The following SEPTIN12 variants were observed in gnomAD, a reference collection of about 807,000 sequenced individuals.
SEPTIN12 encodes the protein septin 12.
A neutral mutation model predicts 37.7 loss-of-function variants in SEPTIN12; 42 were observed. That is an observed-to-expected ratio of 1.11 (90% CI 0.87 to 1.44). The LOEUF is 1.44. Among genes scored for constraint, SEPTIN12 ranks in the 40% most tolerant of loss-of-function variants. The pLI is 0.00. For missense variants in SEPTIN12, 613 were observed against 479.2 expected (o/e 1.28, Z -2.61); for synonymous variants, 254 against 196.7 (o/e 1.29, Z -2.44).
intron 7 of SEPTIN12, chr16:4,783,244 A>G (rs902908557): frequency 3.4e-6 from 2 of 579,866 alleles, no homozygotes; most frequent in Middle Eastern, 4.7e-4. Context: ...CAAGCCCCTT[A>G]TTGGGTATGT....
chr16:4,778,019 A>G, intron 9 of SEPTIN12, 21 bp from the exon 10 acceptor site: 1 of 1,612,390 alleles, frequency 6.2e-7, no homozygotes, highest in African/African-American at 1.3e-5. Flanking sequence ...GGAGACGGTC[A>G]GCCCCGATGG....
rs762361232 is a variant in SEPTIN12 at position 4,787,525 on chromosome 16, T to C, written c.121A>G (p.Ile41Val). ...TCAAACCCCATCTTCATAGCCTTGA[T>C]CTTCAGCTGGTCCAGCACAGCCTCA... is the stretch of plus-strand genomic sequence containing the variant. ...GIEAVLDQLK[I>V]KAMKMGFEFN... is the part of the protein sequence containing the mutation. The change falls in exon 2 of 10, where the codon ATC (isoleucine) becomes GTC (valine). Residue 41 changes from isoleucine (I) to valine (V), a missense_variant. By Grantham distance (29) the Ile-to-Val change is conservative (BLOSUM62 3). Coordinates refer to ENST00000268231, the MANE Select transcript of SEPTIN12 (RefSeq NM_144605.5). 2 of 1,613,062 alleles carry C rather than the reference T, an allele frequency of 1.2e-6. No individual in the cohort carries two copies. Among genetic ancestry groups the C allele is most frequent in the South Asian group, 2.2e-5 (2 of 91,082 alleles).
At chr16:4,788,580 G>A (rs959101141), upstream of SEPTIN12, 1 of 152,216 alleles carries the variant, frequency 6.6e-6, no homozygotes, top group Non-Finnish European at 1.5e-5. Context: ...CTCTGCTGGG[G>A]TGAGCAAACC....
chr16:4,789,604 G>T (rs2082519058), upstream of SEPTIN12, among the ~76,000 whole-genome samples: 1 of 152,170 alleles, frequency 6.6e-6, no homozygotes. Context: ...GGGATTACAG[G>T]CGTTAGCCCC....
intron 7 of SEPTIN12, among the ~76,000 whole-genome samples, chr16:4,781,135 T>C (rs1036363660): frequency 3.3e-5 from 5 of 151,798 alleles, no homozygotes; most frequent in African/African-American, 1.2e-4. Context: ...ATTGTGCACC[T>C]ATAGTCCCAG....
intron 8 of SEPTIN12, among the ~76,000 whole-genome samples, chr16:4,778,369 T>C (rs1441094007): frequency 2.0e-5 from 3 of 152,350 alleles, no homozygotes; most frequent in South Asian, 2.1e-4. Flanking sequence ...CCAATCATTA[T>C]TGTATTATAT....
intron 7 of SEPTIN12, among the ~76,000 whole-genome samples, chr16:4,781,078 G>C (rs1478947404): frequency 6.6e-6 from 1 of 151,988 alleles, no homozygotes; most frequent in Admixed American, 6.6e-5. Flanking sequence ...GGCTGAAATA[G>C]TGAAACCCCA....
At chr16:4,779,228 G>C (rs9936606) in intron 8 of SEPTIN12, among the ~76,000 whole-genome samples, 1,870 of 151,478 alleles carry the variant, frequency 0.012, 42 homozygotes, top group African/African-American at 0.043. Context: ...CCCTAAGGCA[G>C]TCTCCTCTCC....
At chr16:4,788,689 T>C (rs181844875), upstream of SEPTIN12, 5 of 152,288 alleles carry the variant, frequency 3.3e-5, no homozygotes, top group East Asian at 9.7e-4. Context: ...CTTTAGCAAA[T>C]ATTTACCCAG....
Position 4,777,791 on chromosome 16 carries a change from C to G in SEPTIN12, c.*6G>C, listed in dbSNP as rs569800995. On this transcript the variant is annotated 3_prime_UTR_variant, in exon 10 of 10. Transcript: ENST00000268231. The stretch of plus-strand genomic sequence containing the variant: ...GAAGCCCAGCAGCCCCGGGATCCGC[C>G]GGTGGTCAGAACTCATCATCAGAAT... 3 of 1,514,040 alleles carry G rather than the reference C, an allele frequency of 2.0e-6. No individual in the cohort carries two copies. The highest frequency in any genetic ancestry group is 2.7e-6 in the Non-Finnish European group (3 of 1,129,340). The allele number at this position is 1,514,040 out of a possible 1,614,324, so 93.8% of individuals were successfully genotyped here. A position where few individuals can be genotyped will look rare whatever the true frequency, so the allele number is the denominator to read the frequency against.
intron 7 of SEPTIN12, among the ~76,000 whole-genome samples, chr16:4,780,350 A>T (rs1343925743): frequency 6.6e-6 from 1 of 151,860 alleles, no homozygotes; most frequent in Non-Finnish European, 1.5e-5. Flanking sequence ...TGCCTTCCAA[A>T]GTGGTGGGAT....
At position 4,783,646 on chromosome 16, in the gene SEPTIN12, C is replaced by A. The variant is rs769275978; in HGVS notation, c.630+3G>T. On this transcript the variant is annotated splice_donor_region_variant and intron_variant, in intron 6 of 9. Transcript: ENST00000268231. ...CCCAGCCCTGCCCGGGCATCCAGAT[C>A]ACCCTGCGCCTGAAGGCCTCTCGCT... is the stretch of plus-strand genomic sequence containing the variant. The A allele has an allele frequency of 1.9e-5, 30 of 1,613,648 alleles. No individual in the cohort carries two copies. The highest frequency in any genetic ancestry group is 2.5e-5 in the Non-Finnish European group (30 of 1,179,714).
At chr16:4,789,587 A>G (rs1408717244), upstream of SEPTIN12, among the ~76,000 whole-genome samples, 1 of 152,024 alleles carries the variant, frequency 6.6e-6, no homozygotes, top group East Asian at 1.9e-4. Flanking sequence ...CGGCCTCCCA[A>G]AGTGCTGGGA....
intron 8 of SEPTIN12, 123 bp from the exon 9 acceptor site, chr16:4,778,260 C>A: frequency 2.0e-6 from 2 of 1,023,466 alleles, no homozygotes; most frequent in Non-Finnish European, 3.0e-6. Flanking sequence ...CCCTATCCTG[C>A]CTTCCCTTTG....
Position 4,784,814 on chromosome 16 carries a change from T to TAAAA in SEPTIN12, c.375-750_375-747dup, listed in dbSNP as rs1175191160. 2.5e-4 allele frequency among the ~76,000 whole-genome samples: 32 copies of TAAAA among 128,836 alleles called. No homozygotes were observed. In the Middle Eastern group the frequency reaches 0.015, roughly 60 times the overall value. 84.5% of individuals were successfully genotyped at this position (128,836 alleles called of 152,430 possible). A position where few individuals can be genotyped will look rare whatever the true frequency, so the allele number is the denominator to read the frequency against. ...ATAAATAAATAAATAAATAAATAAA[T>TAAAA]AAAATGAAACCAGGGCCAGGTGCGG... is the stretch of plus-strand genomic sequence containing the variant. On this transcript the variant is annotated intron_variant, in intron 4 of 9. Transcript: ENST00000268231.
At chr16:4,787,095 C>T (rs142451443) in intron 2 of SEPTIN12, among the ~76,000 whole-genome samples, 252 of 152,146 alleles carry the variant, frequency 1.7e-3, no homozygotes, top group African/African-American at 5.0e-3. Context: ...AGGCTGTTTT[C>T]GAACTCCTGA....
At chr16:4,790,040 T>C (rs2082527685), upstream of SEPTIN12, 1 of 151,708 alleles carries the variant, frequency 6.6e-6, no homozygotes, top group African/African-American at 2.4e-5. Flanking sequence ...CCAGCCTCCC[T>C]AGTAGCTGGG....
At position 4,777,792 on chromosome 16, in the gene SEPTIN12, G is replaced by T; in HGVS notation, c.*5C>A. ...AAGCCCAGCAGCCCCGGGATCCGCC[G>T]GTGGTCAGAACTCATCATCAGAATC... is the stretch of plus-strand genomic sequence containing the variant. On this transcript the variant is annotated 3_prime_UTR_variant, in exon 10 of 10. Coordinates refer to ENST00000268231, the MANE Select transcript of SEPTIN12 (RefSeq NM_144605.5). The T allele has an allele frequency of 1.3e-6, 2 of 1,515,746 alleles. No individual in the cohort carries two copies. Among genetic ancestry groups the T allele is most frequent in the Non-Finnish European group, 1.8e-6 (2 of 1,130,312 alleles). The allele number at this position is 1,515,746 out of a possible 1,614,324, so 93.9% of individuals were successfully genotyped here. A position where few individuals can be genotyped will look rare whatever the true frequency, so the allele number is the denominator to read the frequency against.
chr16:4,778,350 A>C (rs2082336208), intron 8 of SEPTIN12, among the ~76,000 whole-genome samples: 1 of 152,264 alleles, frequency 6.6e-6, no homozygotes. Flanking sequence ...TGTAGAATGA[A>C]TGAATCCACC....
Sources: gnomAD v4.1 joint callset for allele counts (sites outside exome capture counted in the v4.1 genomes callset) on GRCh38, gnomAD v4.1.1 for gene constraint, MANE v1.5 for transcripts, NCBI Gene and HGNC (gene_info 2026-07-23, HGNC 2026-07-21) for gene names.